SDCCAG8: variants seen among roughly 807,000 people sequenced by gnomAD.
SDCCAG8 encodes the protein serologically defined colon cancer antigen 8.
SDCCAG8 carries 74 observed loss-of-function variants against 101.8 expected under a neutral mutation model. The ratio of observed to expected loss-of-function variants is 0.73; its 90% CI spans 0.60 to 0.88. The LOEUF is 0.88. Among genes scored for constraint, SDCCAG8 ranks in the 40% least tolerant of loss-of-function variants. SDCCAG8 has a pLI of 0.00. For synonymous variants in SDCCAG8, 281 were observed against 292.9 expected, an observed-to-expected ratio of 0.96 and a Z score of 0.41; for missense variants, 787 against 822.6, an observed-to-expected ratio of 0.96 and a Z score of 0.53.
At chr1:243,396,602 CTATATAGTATGATGCAATTTTTA>C (rs2079051389) in intron 13 of SDCCAG8, among the ~76,000 whole-genome samples, 1 of 152,152 alleles carries the variant, frequency 6.6e-6, no homozygotes, top group Non-Finnish European at 1.5e-5. Context: ...CAAGTTAATG[CTATATAGTATGATGCAATTTTTA>C]TATAGTGTAA....
intron 1 of SDCCAG8, among the ~76,000 whole-genome samples, chr1:243,262,332 C>T (rs964590212): frequency 6.7e-5 from 10 of 150,150 alleles, no homozygotes; most frequent in African/African-American, 2.2e-4. Flanking sequence ...TCTCGAACTC[C>T]TGGCCTCAAG....
intron 16 of SDCCAG8, among the ~76,000 whole-genome samples, chr1:243,448,242 G>A (rs2148118871): frequency 6.6e-6 from 1 of 152,266 alleles, no homozygotes; most frequent in South Asian, 2.1e-4. Flanking sequence ...GCTTGGTTAT[G>A]TCCATTACTA....
At chr1:243,292,849 G>A (rs534452242) in intron 5 of SDCCAG8, among the ~76,000 whole-genome samples, 32 of 152,174 alleles carry the variant, frequency 2.1e-4, no homozygotes, top group South Asian at 4.1e-4. Context: ...TGTTGAATGC[G>A]CTGAAATCTA....
At chr1:243,296,451 T>C (rs896764880) in intron 6 of SDCCAG8, among the ~76,000 whole-genome samples, 1 of 152,054 alleles carries the variant, frequency 6.6e-6, no homozygotes, top group Non-Finnish European at 1.5e-5. Context: ...TTGTCTATAT[T>C]TATGTCTCCA....
intron 12 of SDCCAG8, among the ~76,000 whole-genome samples, chr1:243,353,916 C>T (rs887250706): frequency 1.3e-5 from 2 of 152,022 alleles, no homozygotes; most frequent in African/African-American, 2.4e-5. Context: ...AATAAAATGT[C>T]ATTTTATTTA....
chr1:243,294,079 A>ATT lies in SDCCAG8; in HGVS notation c.675+863_675+864dup. The stretch of plus-strand genomic sequence containing the variant: ...CTCTTTGAGTGTGTTTAACACAGTC[A>ATT]TTTTAAAGTCTTTCCCCAGTAAGTC... On this transcript the variant is annotated intron_variant, in intron 6 of 17. Transcript: ENST00000366541. Among the ~76,000 whole-genome samples the ATT allele has an allele frequency of 1.3e-5, 2 of 152,234 alleles. 1 individual carries two copies. Among genetic ancestry groups the ATT allele is most frequent in the South Asian group, 4.1e-4 (2 of 4,830 alleles).
intron 16 of SDCCAG8, among the ~76,000 whole-genome samples, chr1:243,439,662 ACAC>A (rs1164825759): frequency 6.6e-6 from 1 of 151,380 alleles, no homozygotes; most frequent in Non-Finnish European, 1.5e-5. Context: ...ACACACACAC[ACAC>A]ATCATTGGAG....
At chr1:243,337,883 T>C (rs1365743289) in intron 10 of SDCCAG8, among the ~76,000 whole-genome samples, 1 of 114,618 alleles carries the variant, frequency 8.7e-6, no homozygotes, top group African/African-American at 2.6e-5. Context: ...ATCTCATTTT[T>C]TCAAATGAAA....
intron 4 of SDCCAG8, among the ~76,000 whole-genome samples, chr1:243,274,862 A>G (rs545105859): frequency 1.2e-4 from 19 of 152,270 alleles, no homozygotes; most frequent in Non-Finnish European, 2.2e-4. Context: ...TGATTGCTTG[A>G]TTTCCCAGTA....
At chr1:243,381,723 A>G (rs2077970065) in intron 13 of SDCCAG8, among the ~76,000 whole-genome samples, 1 of 152,248 alleles carries the variant, frequency 6.6e-6, no homozygotes, top group Non-Finnish European at 1.5e-5. Flanking sequence ...TCCTAGGCAT[A>G]GAGAGAAAAA....
Position 243,426,361 on chromosome 1 carries a change from A to G in SDCCAG8, c.1854-66A>G. ...GAGTTTAAGATAATGTTAAGGTTATATAATAACAATATGCCCTAGTAATAA... is the reference window on the plus strand; with the variant it reads ...GAGTTTAAGATAATGTTAAGGTTATGTAATAACAATATGCCCTAGTAATAA... On this transcript the variant is annotated intron_variant, in intron 15 of 17. Transcript: ENST00000366541. 1.2e-5 allele frequency: 16 copies of G among 1,344,872 alleles called. 1 individual carries two copies. Among genetic ancestry groups the G allele is most frequent in the South Asian group, 7.3e-5 (6 of 81,690 alleles). 83.3% of individuals were successfully genotyped at this position (1,344,872 alleles called of 1,614,324 possible). A position where few individuals can be genotyped will look rare whatever the true frequency, so the allele number is the denominator to read the frequency against.
chr1:243,415,148 AT>A (rs1453276361), intron 13 of SDCCAG8, among the ~76,000 whole-genome samples: 1 of 152,094 alleles, frequency 6.6e-6, no homozygotes, highest in African/African-American at 2.4e-5. Flanking sequence ...TCATATTTGT[AT>A]TCATATTCAC....
chr1:243,430,426 G>C (rs1025915113), intron 16 of SDCCAG8, among the ~76,000 whole-genome samples: 1 of 152,142 alleles, frequency 6.6e-6, no homozygotes, highest in Admixed American at 6.5e-5. Context: ...GGGTCTTTAT[G>C]TTTTTGTTTT....
chr1:243,266,802 G>C (rs1206020154), intron 1 of SDCCAG8, among the ~76,000 whole-genome samples: 1 of 124,340 alleles, frequency 8.0e-6, no homozygotes, highest in Non-Finnish European at 1.7e-5. Context: ...AATTAGCTGG[G>C]CACTGTGGCA....
intron 9 of SDCCAG8, among the ~76,000 whole-genome samples, chr1:243,323,678 T>G (rs568367751): frequency 5.9e-5 from 9 of 152,324 alleles, no homozygotes; most frequent in Admixed American, 5.9e-4. Context: ...CTTTCACTTC[T>G]GAGTGCATCG....
intron 6 of SDCCAG8, among the ~76,000 whole-genome samples, chr1:243,298,916 T>A (rs1260245316): frequency 6.6e-6 from 1 of 152,224 alleles, no homozygotes; most frequent in Non-Finnish European, 1.5e-5. Flanking sequence ...CCTTTAGCAT[T>A]TCCAAATACA....
chr1:243,379,680 A>G (rs2077822990), intron 13 of SDCCAG8, among the ~76,000 whole-genome samples: 1 of 152,182 alleles, frequency 6.6e-6, no homozygotes, highest in South Asian at 2.1e-4. Flanking sequence ...GTTCACATCA[A>G]GCCTTTGGGG....
intron 10 of SDCCAG8, chr1:243,338,705 G>A (rs902216316): frequency 6.6e-6 from 1 of 152,084 alleles, no homozygotes; most frequent in African/African-American, 2.4e-5. Context: ...TCTTGCATAG[G>A]GAGTACAGCT....
intron 9 of SDCCAG8, among the ~76,000 whole-genome samples, chr1:243,318,277 C>G (rs2073438721): frequency 6.6e-6 from 1 of 152,168 alleles, no homozygotes; most frequent in South Asian, 2.1e-4. Flanking sequence ...ACTGCATATT[C>G]TTACGTATAA....
Sources: gnomAD v4.1 joint callset for allele counts (sites outside exome capture counted in the v4.1 genomes callset) on GRCh38, gnomAD v4.1.1 for gene constraint, MANE v1.5 for transcripts, NCBI Gene and HGNC (gene_info 2026-07-23, HGNC 2026-07-21) for gene names.